The following ZNF600 variants were observed in gnomAD, a reference collection of about 807,000 sequenced individuals.
The protein encoded by ZNF600 is zinc finger protein KR-ZNF1.
ZNF600 carries 4 observed loss-of-function variants against 7.3 expected under a neutral mutation model. That is an observed-to-expected ratio of 0.55 (90% confidence interval 0.27 to 1.25). ZNF600 has a LOEUF of 1.25. Among genes scored for constraint, ZNF600 ranks in the 50% most tolerant of loss-of-function variants. The pLI is 0.12. For missense variants in ZNF600, 911 were observed against 922.1 expected (o/e 0.99, Z 0.16); for synonymous variants, 290 against 308.9 (o/e 0.94, Z 0.64).
upstream of ZNF600, among the ~76,000 whole-genome samples, chr19:52,790,370 A>G (rs561953659): frequency 1.5e-3 from 232 of 152,214 alleles, 1 homozygote; most frequent in African/African-American, 5.3e-3. Context: ...GGTGGTGCAC[A>G]CCTTTAGCCC....
At chr19:52,820,983 G>C in the ZNF600 span, among the ~76,000 whole-genome samples, 1 of 151,626 alleles carries the variant, frequency 6.6e-6, no homozygotes, top group Non-Finnish European at 1.5e-5. Context: ...TCGGAGAAGC[G>C]CATTTTCCCA....
rs117234401 is a variant in ZNF600 at position 52,769,351 on chromosome 19, C to T, written c.191-1579G>A. Among the ~76,000 whole-genome samples the T allele has an allele frequency of 9.9e-3, 1,512 of 152,270 alleles. 11 individuals carry two copies. Among genetic ancestry groups the T allele is most frequent in the Non-Finnish European group, 0.012 (847 of 68,022 alleles). On this transcript the variant is annotated intron_variant, in intron 3 of 3. Coordinates refer to ENST00000648973, the Ensembl canonical transcript of ZNF600. ...CGTCCTGTACACCTGGCTCTGCCTTCTAGATAACAGTAGCAAAATGAGTGA... is the reference window on the plus strand; with the variant it reads ...CGTCCTGTACACCTGGCTCTGCCTTTTAGATAACAGTAGCAAAATGAGTGA...
At chr19:52,800,076 C>G in the ZNF600 span, 1 of 1,613,980 alleles carries the variant, frequency 6.2e-7, no homozygotes, top group Non-Finnish European at 8.5e-7. Context: ...GTGTGAATCC[C>G]TCCGGAAAGC....
At chr19:52,832,949 T>C in the ZNF600 span, among the ~76,000 whole-genome samples, 1 of 152,044 alleles carries the variant, frequency 6.6e-6, no homozygotes, top group Non-Finnish European at 1.5e-5. Flanking sequence ...TTTTTGTATT[T>C]TTATTAGAGA....
intron 2 of ZNF600, 32 bp from the exon 5 acceptor site, chr19:52,774,733 T>A (rs1469686093): frequency 1.0e-6 from 1 of 985,240 alleles, no homozygotes; most frequent in East Asian, 1.1e-4. Flanking sequence ...CACAAAACAT[T>A]ATGGAGGATT....
chr19:52,801,534 T>C, the ZNF600 span: 6,396 of 1,614,158 alleles, frequency 4.0e-3, 187 homozygotes, highest in African/African-American at 0.071. Flanking sequence ...ATTTGTTTCA[T>C]CTTCTTTCCA....
At chr19:52,783,704 C>T (rs1343567680) in intron 1 of ZNF600, among the ~76,000 whole-genome samples, 1 of 152,142 alleles carries the variant, frequency 6.6e-6, no homozygotes, top group African/African-American at 2.4e-5. Flanking sequence ...CCTTCTCTCT[C>T]CATCTGTTTC....
the ZNF600 span, among the ~76,000 whole-genome samples, chr19:52,802,064 G>A: frequency 1.1e-3 from 162 of 152,152 alleles, no homozygotes; most frequent in African/African-American, 2.2e-3. Context: ...TATTTACAGC[G>A]TATTTAGTGT....
At chr19:52,816,357 A>G in the ZNF600 span, among the ~76,000 whole-genome samples, 1 of 146,210 alleles carries the variant, frequency 6.8e-6, no homozygotes, top group Admixed American at 6.9e-5. Context: ...TGTTTCTACT[A>G]AAAATACAAA....
the ZNF600 span, among the ~76,000 whole-genome samples, chr19:52,811,208 G>A: frequency 6.6e-6 from 1 of 150,976 alleles, no homozygotes; most frequent in Non-Finnish European, 1.5e-5. Context: ...ATGGTGCCCA[G>A]GCTGGAGTGC....
At chr19:52,815,606 T>C in the ZNF600 span, among the ~76,000 whole-genome samples, 3 of 146,384 alleles carry the variant, frequency 2.0e-5, 1 homozygote, top group East Asian at 2.0e-4. Context: ...GGGCGAATCA[T>C]GAGGTCAGGA....
chr19:52,796,487 G>T, the ZNF600 span, among the ~76,000 whole-genome samples: 4 of 151,708 alleles, frequency 2.6e-5, no homozygotes, highest in South Asian at 8.3e-4. Context: ...GAGAGCGGGA[G>T]GAGGAATAGT....
intron 1 of ZNF600, among the ~76,000 whole-genome samples, chr19:52,785,006 A>G (rs193128591): frequency 1.8e-4 from 27 of 152,192 alleles, no homozygotes; most frequent in African/African-American, 4.3e-4. Context: ...TAAAGTGCTG[A>G]GATTACAGGC....
the ZNF600 span, among the ~76,000 whole-genome samples, chr19:52,803,433 G>A: frequency 1.3e-5 from 2 of 151,988 alleles, no homozygotes; most frequent in African/African-American, 2.4e-5. Flanking sequence ...ACCACATACC[G>A]AAAACTCACA....
At chr19:52,822,600 A>G in the ZNF600 span, among the ~76,000 whole-genome samples, 1 of 152,206 alleles carries the variant, frequency 6.6e-6, no homozygotes, top group Non-Finnish European at 1.5e-5. Flanking sequence ...CGTTAAGTAC[A>G]TGTTTTCAAG....
rs567554021 is a variant in ZNF600, at chr19:52,786,800, G to A, written c.-225C>T. 2 of 364,808 alleles carry A rather than the reference G, an allele frequency of 5.5e-6. No individual in the cohort carries two copies. Among genetic ancestry groups the A allele is most frequent in the South Asian group, 4.0e-5 (2 of 49,954 alleles). The allele number at this position is 364,808 out of a possible 1,614,324, so 22.6% of individuals were successfully genotyped here. A position where few individuals can be genotyped will look rare whatever the true frequency, so the allele number is the denominator to read the frequency against. The stretch of plus-strand genomic sequence containing the variant: ...TGTGCGCGCCCAGGACTGAAGCCAG[G>A]CCGGGGCAGGTTGGCTGGACCTGGG... On this transcript the variant is annotated 5_prime_UTR_variant, in exon 1 of 4. Coordinates refer to ENST00000648973, the Ensembl canonical transcript of ZNF600.
the ZNF600 span, among the ~76,000 whole-genome samples, chr19:52,803,395 A>T: frequency 6.6e-6 from 1 of 152,186 alleles, no homozygotes. Context: ...TTGTGACATT[A>T]TCTAGGGGAG....
At chr19:52,804,869 A>G in the ZNF600 span, among the ~76,000 whole-genome samples, 8 of 152,214 alleles carry the variant, frequency 5.3e-5, no homozygotes, top group Admixed American at 4.6e-4. Context: ...TCTCATCATC[A>G]ACATCACCAA....
the ZNF600 span, among the ~76,000 whole-genome samples, chr19:52,827,866 A>G: frequency 4.6e-5 from 7 of 152,092 alleles, no homozygotes; most frequent in African/African-American, 1.2e-4. Flanking sequence ...ATTTAAGCGA[A>G]GATGAGAGGG....
Sources: allele counts gnomAD v4.1 joint callset (sites outside exome capture counted in the v4.1 genomes callset), GRCh38; gene constraint gnomAD v4.1.1; transcripts MANE v1.5; gene names NCBI Gene and HGNC (gene_info 2026-07-23, HGNC 2026-07-21).